The following DCAF6 variants were observed in gnomAD, a reference collection of about 807,000 sequenced individuals.
The protein encoded by DCAF6 is DDB1 and CUL4 associated factor 6, also known as DDB1- and CUL4-associated factor 6.
In DCAF6, 54 loss-of-function variants were observed where a neutral mutation model predicts 125.1. That is an observed-to-expected ratio of 0.43 (90% confidence interval 0.35 to 0.54). The LOEUF (loss-of-function observed/expected upper bound fraction) is 0.54. Among genes scored for constraint, DCAF6 ranks in the 20% least tolerant of loss-of-function variants. DCAF6 has a pLI of 0.01. For missense variants in DCAF6, 934 were observed against 1,161.7 expected (o/e 0.80, Z 2.85); for synonymous variants, 371 against 390.4 (o/e 0.95, Z 0.58).
At chr1:167,920,496 A>C in the DCAF6 span, 28 of 1,580,850 alleles carry the variant, frequency 1.8e-5, no homozygotes, top group South Asian at 3.2e-4. Flanking sequence ...AAAAGAAAAC[A>C]AAAATCATTT....
intron 7 of DCAF6, chr1:167,998,574 T>C: frequency 6.0e-6 from 1 of 167,476 alleles, no homozygotes; most frequent in Non-Finnish European, 1.2e-5. Flanking sequence ...GCTGCTGCTT[T>C]ATCAACTAAG....
chr1:167,995,578 G>A lies in DCAF6; in HGVS notation c.903+2138G>A, dbSNP rs79745968. Among the ~76,000 whole-genome samples, 703 of 151,780 alleles carry A rather than the reference G, an allele frequency of 4.6e-3. 8 individuals carry two copies. In the East Asian group the frequency reaches 0.057, roughly 12 times the overall value. ...GCCTGTAATCCCAGCTACTTGGGAG[G>A]TTGAGGCAGGAGAATTGCTTGAACC... On this transcript the variant is annotated intron_variant, in intron 7 of 21. Transcript: ENST00000367840.
chr1:167,976,116 G>A (rs1334859730), intron 4 of DCAF6, among the ~76,000 whole-genome samples: 1 of 151,966 alleles, frequency 6.6e-6, no homozygotes, highest in Non-Finnish European at 1.5e-5. Context: ...CTATCCCTTT[G>A]TTTTCTACTT....
At chr1:168,031,322 T>C (rs547957208) in intron 12 of DCAF6, among the ~76,000 whole-genome samples, 1 of 152,320 alleles carries the variant, frequency 6.6e-6, no homozygotes, top group African/African-American at 2.4e-5. Flanking sequence ...GATGGCGACA[T>C]AGAACAGCGT....
the DCAF6 span, among the ~76,000 whole-genome samples, chr1:167,869,130 T>C: frequency 6.6e-6 from 1 of 152,130 alleles, no homozygotes; most frequent in Non-Finnish European, 1.5e-5. Flanking sequence ...CCCGTACGAG[T>C]GTAGCACGGA....
At chr1:167,875,899 G>C in the DCAF6 span, among the ~76,000 whole-genome samples, 1 of 152,066 alleles carries the variant, frequency 6.6e-6, no homozygotes, top group Admixed American at 6.5e-5. Context: ...CTTGCAGTGA[G>C]CCGAGATCGC....
At chr1:167,875,926 G>A in the DCAF6 span, among the ~76,000 whole-genome samples, 10,345 of 151,654 alleles carry the variant, frequency 0.068, 401 homozygotes, top group Middle Eastern at 0.11. Context: ...GCACTCCAGC[G>A]TGGGCAGCAG....
chr1:168,025,012 CAATG>C (rs1159108355), intron 12 of DCAF6, among the ~76,000 whole-genome samples: 2 of 151,848 alleles, frequency 1.3e-5, no homozygotes, highest in African/African-American at 4.8e-5. Flanking sequence ...GAGGTATTAA[CAATG>C]AAGAATAATT....
chr1:168,058,078 C>CTG (rs1226231478), intron 17 of DCAF6, among the ~76,000 whole-genome samples: 3 of 152,200 alleles, frequency 2.0e-5, no homozygotes, highest in Non-Finnish European at 4.4e-5. Flanking sequence ...TGATGTCATA[C>CTG]TGTATACAAG....
At chr1:168,004,935 CTT>C (rs1683142372) in intron 10 of DCAF6, 142 bp downstream of exon 10, 1 of 916,384 alleles carries the variant, frequency 1.1e-6, no homozygotes, top group Non-Finnish European at 1.6e-6. Context: ...GGTTATGTAA[CTT>C]AAACACAAAA....
intron 7 of DCAF6, among the ~76,000 whole-genome samples, chr1:168,001,640 TG>T (rs894932759): frequency 8.5e-5 from 13 of 152,224 alleles, no homozygotes; most frequent in African/African-American, 2.9e-4. Context: ...GTTGAAATAT[TG>T]TTTTTTTTCT....
At position 168,065,585 on chromosome 1, in the gene DCAF6, C is replaced by G. The variant is rs753022328; in HGVS notation, c.2440-5C>G. 2.7e-5 allele frequency: 42 copies of G among 1,562,120 alleles called. No individual in the cohort carries two copies. Among genetic ancestry groups the G allele is most frequent in the Non-Finnish European group, 3.3e-5 (38 of 1,151,394 alleles). On this transcript the variant is annotated splice_region_variant and splice_polypyrimidine_tract_variant and intron_variant, in intron 18 of 21. Coordinates refer to ENST00000367840, the MANE Select transcript of DCAF6 (RefSeq NM_001198956.2). ...AATTTTTAAATAATTTTTTTTAACC[C>G]TTAGATAAAAGAAGCCAATTTCTGG...
At chr1:168,063,566 ATTC>A (rs1456851508) in intron 17 of DCAF6, 52 bp from the exon 18 acceptor site, 2 of 1,351,518 alleles carry the variant, frequency 1.5e-6, no homozygotes, top group Non-Finnish European at 2.0e-6. Flanking sequence ...GTTTCTCATT[ATTC>A]TTTGTGAATA....
At position 168,044,911 on chromosome 1, in the gene DCAF6, A is replaced by G. The variant is rs1688973295; in HGVS notation, c.1942A>G (p.Lys648Glu). 1 of 1,613,404 alleles carries G rather than the reference A, an allele frequency of 6.2e-7. No individual in the cohort carries two copies. Among genetic ancestry groups the G allele is most frequent in the Middle Eastern group, 1.7e-4 (1 of 6,058 alleles). Residue 648 changes from lysine to glutamate, a missense_variant, in exon 16 of 22, where the codon AAG becomes GAG. Physicochemically the swap from Lys to Glu is moderately conservative, Grantham distance 56. Around this residue, in one of 5 missense-constraint regions of DCAF6, gnomAD observed 559 missense variants for 635.5 expected, o/e 0.88. Transcript: ENST00000367840. ...TTATTTTCTGACAGCACAATCAGAT[A>G]AGTTCACAGCCAAGCCATTGGATTC... ...ENHINITQSD[K>E]FTAKPLDSNS...
chr1:167,935,733 C>T, upstream of DCAF6: 2 of 1,558,984 alleles, frequency 1.3e-6, no homozygotes, highest in Non-Finnish European at 1.7e-6. Flanking sequence ...GGTCCATTAC[C>T]TGCTGGATGG....
chr1:168,036,482 C>G (rs566390700), intron 12 of DCAF6, among the ~76,000 whole-genome samples: 1 of 152,218 alleles, frequency 6.6e-6, no homozygotes, highest in African/African-American at 2.4e-5. Context: ...AAAAAACTAG[C>G]CCGAACTCAG....
chr1:167,883,030 G>T, the DCAF6 span, among the ~76,000 whole-genome samples: 1 of 152,102 alleles, frequency 6.6e-6, no homozygotes, highest in Non-Finnish European at 1.5e-5. Flanking sequence ...TGGCCTTCTA[G>T]GTTAAATTTC....
At chr1:167,908,221 G>A in the DCAF6 span, among the ~76,000 whole-genome samples, 5 of 152,162 alleles carry the variant, frequency 3.3e-5, no homozygotes, top group South Asian at 2.1e-4. Flanking sequence ...CTATTCAGCC[G>A]TAAAACAGAA....
At chr1:168,040,507 GGATTCTA>G (rs1342648183) in intron 13 of DCAF6, among the ~76,000 whole-genome samples, 1 of 151,616 alleles carries the variant, frequency 6.6e-6, no homozygotes, top group Admixed American at 6.6e-5. Flanking sequence ...AAAAGTGATG[GGATTCTA>G]GATATATATT....
Sources: gnomAD v4.1 joint callset for allele counts (sites outside exome capture counted in the v4.1 genomes callset) on GRCh38, gnomAD v4.1.1 for gene constraint, gnomAD v4.1.1 regional missense constraint, MANE v1.5 for transcripts, NCBI Gene and HGNC (gene_info 2026-07-23, HGNC 2026-07-21) for gene names.